PPP2R2A: variants seen among roughly 807,000 people sequenced by gnomAD.
The protein encoded by PPP2R2A is serine/threonine-protein phosphatase 2A 55 kDa regulatory subunit B alpha isoform.
PPP2R2A carries 9 observed loss-of-function variants against 53.2 expected under a neutral mutation model. The observed-to-expected ratio is 0.17, with a 90% CI of 0.10 to 0.30. PPP2R2A has a LOEUF of 0.30. Ranked by LOEUF, PPP2R2A falls within the 10% of genes least tolerant of loss-of-function variation. The probability of loss-of-function intolerance (pLI) is 1.00; values close to 1 mark genes in which losing one functional copy is unlikely to be tolerated. For missense variants in PPP2R2A, 235 were observed against 534.6 expected (o/e 0.44, Z 5.53); for synonymous variants, 169 against 174.2 (o/e 0.97, Z 0.23).
At position 26,360,075 on chromosome 8, in the gene PPP2R2A, C is replaced by A; in HGVS notation, c.347-94C>A. The A allele has an allele frequency of 1.4e-5, 8 of 565,100 alleles. No homozygotes were observed. The highest frequency in any genetic ancestry group is 1.9e-5 in the African/African-American group (1 of 52,260). The allele number at this position is 565,100 out of a possible 1,614,324, so 35.0% of individuals were successfully genotyped here. ...AGGGTTTTTTTTTTTTTCGTGGAAT[C>A]CTTTTACGTGAAATGTGAAATAGCA... On this transcript the variant is annotated intron_variant, in intron 4 of 9. Coordinates refer to ENST00000380737, the MANE Select transcript of PPP2R2A (RefSeq NM_002717.4). This position sits in a 1 kb window ranked among gnomAD's most constrained non-coding sequence, Gnocchi z 4.5.
chr8:26,341,637 C>CA (rs1254626940), intron 3 of PPP2R2A, among the ~76,000 whole-genome samples: 5 of 152,202 alleles, frequency 3.3e-5, no homozygotes, highest in Admixed American at 6.5e-5. Flanking sequence ...ATGTTCATTC[C>CA]AGAGTACACT....
At chr8:26,298,327 G>A (rs1168020397) in intron 2 of PPP2R2A, among the ~76,000 whole-genome samples, 1 of 152,190 alleles carries the variant, frequency 6.6e-6, no homozygotes, top group East Asian at 1.9e-4. Context: ...CCTAAGAGCA[G>A]TTGTTCAACT....
intron 2 of PPP2R2A, among the ~76,000 whole-genome samples, chr8:26,337,451 T>G (rs747990045): frequency 2.0e-5 from 3 of 152,254 alleles, no homozygotes; most frequent in Non-Finnish European, 4.4e-5. Context: ...TACTCTTTGC[T>G]CCTACTTAAC....
At chr8:26,292,136 T>C in intron 1 of PPP2R2A, 1 of 1,214,948 alleles carries the variant, frequency 8.2e-7, no homozygotes. Context: ...TCCCTCCCGC[T>C]CGGGAGCCTG....
intron 3 of PPP2R2A, among the ~76,000 whole-genome samples, chr8:26,351,858 A>G (rs571769751): frequency 4.6e-5 from 7 of 151,914 alleles, no homozygotes; most frequent in Non-Finnish European, 8.8e-5. Context: ...TTCTGTTAGC[A>G]TCTGTGTTGA....
chr8:26,293,345 CT>C, intron 1 of PPP2R2A: 2 of 1,379,770 alleles, frequency 1.4e-6, no homozygotes, highest in Non-Finnish European at 2.0e-6. Context: ...CTCTTTAACT[CT>C]TGGTATTTAC....
intron 2 of PPP2R2A, among the ~76,000 whole-genome samples, chr8:26,314,696 T>C (rs1802452722): frequency 6.6e-6 from 1 of 152,206 alleles, no homozygotes; most frequent in African/African-American, 2.4e-5. Context: ...AATGCCATTC[T>C]GTTTACTGAT....
intron 2 of PPP2R2A, among the ~76,000 whole-genome samples, chr8:26,325,765 C>A (rs375059925): frequency 1.6e-4 from 24 of 152,198 alleles, no homozygotes; most frequent in African/African-American, 5.8e-4. Flanking sequence ...TTGATACAGC[C>A]AACTTAATAG....
Position 26,338,823 on chromosome 8 carries a change from A to AT in PPP2R2A, c.83-67_83-66insT. 9.0e-7 allele frequency: 1 copy of AT among 1,114,950 alleles called. No individual in the cohort carries two copies. The highest frequency in any genetic ancestry group is 1.3e-6 in the Non-Finnish European group (1 of 760,982). 69.1% of individuals were successfully genotyped at this position (1,114,950 alleles called of 1,614,324 possible). A position where few individuals can be genotyped will look rare whatever the true frequency, so the allele number is the denominator to read the frequency against. ...TTGGAATGTTTGGGAAAACACGCTAAGTTCTGAAACTAGTGAGTCGGGAAA... is the reference window on the plus strand; with the variant it reads ...TTGGAATGTTTGGGAAAACACGCTAATGTTCTGAAACTAGTGAGTCGGGAAA... On this transcript the variant is annotated intron_variant, in intron 2 of 9. Transcript: ENST00000380737. This position sits in a 1 kb window ranked among gnomAD's most constrained non-coding sequence, Gnocchi z 4.5.
At position 26,362,486 on chromosome 8, in the gene PPP2R2A, C is replaced by CA. The variant is rs1455614023; in HGVS notation, c.638-197dup. Among the ~76,000 whole-genome samples, 1 of 151,848 alleles carries CA rather than the reference C, an allele frequency of 6.6e-6. No individual in the cohort carries two copies. On this transcript the variant is annotated intron_variant, in intron 6 of 9. Coordinates refer to ENST00000380737, the MANE Select transcript of PPP2R2A (RefSeq NM_002717.4). The surrounding 1 kb of genome is among the most constrained non-coding windows in gnomAD (Gnocchi z 4.4). ...CGCCACTGCACTCCAGCCTGGGTGA[C>CA]AGAGTGAAACTCCGTCTAAATAAAA...
intron 2 of PPP2R2A, chr8:26,293,943 T>C (rs1801424395): frequency 3.6e-6 from 2 of 559,314 alleles, no homozygotes; most frequent in South Asian, 4.4e-5. Flanking sequence ...TATTATTTTT[T>C]CCTCTGAATT....
intron 2 of PPP2R2A, among the ~76,000 whole-genome samples, chr8:26,332,110 C>G (rs1457481889): frequency 1.3e-5 from 2 of 152,016 alleles, no homozygotes; most frequent in East Asian, 1.9e-4. Flanking sequence ...AATCCCAATA[C>G]TTTGGAAGGC....
chr8:26,336,587 A>T (rs1001768263), intron 2 of PPP2R2A, among the ~76,000 whole-genome samples: 1 of 152,164 alleles, frequency 6.6e-6, no homozygotes, highest in African/African-American at 2.4e-5. Flanking sequence ...CCTTATTAGA[A>T]ATTGAGCCCG....
intron 2 of PPP2R2A, among the ~76,000 whole-genome samples, chr8:26,320,657 C>A (rs1802790500): frequency 1.3e-5 from 2 of 152,122 alleles, no homozygotes; most frequent in Non-Finnish European, 2.9e-5. Context: ...GTCTCCCTGC[C>A]TTTTACAATT....
At chr8:26,291,980 G>T in intron 1 of PPP2R2A, 154 bp downstream of exon 1, 2 of 516,638 alleles carry the variant, frequency 3.9e-6, no homozygotes, top group Non-Finnish European at 6.0e-6. Flanking sequence ...TGGGGGCGGG[G>T]AGGGCTCCCG....
intron 4 of PPP2R2A, chr8:26,358,902 T>A (rs1804931076): frequency 2.2e-6 from 1 of 455,798 alleles, no homozygotes; most frequent in South Asian, 1.5e-5. Flanking sequence ...ATTTCTCCCT[T>A]TAAGTACAGG....
At chr8:26,343,934 CT>C (rs2117343878) in intron 3 of PPP2R2A, among the ~76,000 whole-genome samples, 1 of 152,260 alleles carries the variant, frequency 6.6e-6, no homozygotes, top group Non-Finnish European at 1.5e-5. Context: ...CCCATCCAGG[CT>C]TATAAAATCC....
chr8:26,298,719 C>A (rs1033532488), intron 2 of PPP2R2A: 1 of 152,202 alleles, frequency 6.6e-6, no homozygotes, highest in African/African-American at 2.4e-5. Flanking sequence ...ACCCCTGTCA[C>A]CCGGCGTTGT....
In PPP2R2A at chr8:26,351,155, C is replaced by T. The variant is rs530420663; in HGVS notation, c.181-3313C>T. On this transcript the variant is annotated intron_variant, in intron 3 of 9. Transcript: ENST00000380737. ...TTCTTAGGGTTACTGGTTTTTCTGT[C>T]CTGTATAAGAAATACTTTTCAACCC... Among the ~76,000 whole-genome samples, 144 of 151,962 alleles carry T rather than the reference C, an allele frequency of 9.5e-4. 1 individual carries two copies. Among genetic ancestry groups the T allele is most frequent in the Non-Finnish European group, 1.7e-3 (113 of 67,974 alleles).
Sources: gnomAD v4.1 joint callset for allele counts (sites outside exome capture counted in the v4.1 genomes callset) on GRCh38, gnomAD v4.1.1 for gene constraint, Gnocchi (gnomAD v3.1) non-coding constraint, MANE v1.5 for transcripts, NCBI Gene and HGNC (gene_info 2026-07-23, HGNC 2026-07-21) for gene names.